Variants in TIMP2 observed in about 807,000 individuals in gnomAD.
TIMP2 encodes metalloproteinase inhibitor 2.
TIMP2 carries 5 observed loss-of-function variants against 24.3 expected under a neutral mutation model. The ratio of observed to expected loss-of-function variants is 0.21; its 90% CI spans 0.11 to 0.43. The LOEUF is 0.43. TIMP2 is among the 20% of genes least tolerant of loss of function. The pLI, the probability that TIMP2 is intolerant of heterozygous loss-of-function variation, is 1.00. For synonymous variants in TIMP2, 130 were observed against 123.2 expected (o/e 1.06, Z -0.37); for missense variants, 221 against 297.5 (o/e 0.74, Z 1.89).
In TIMP2 at chr17:78,896,784, C is replaced by T. The variant is rs888161573; in HGVS notation, c.131-22865G>A. 2.6e-5 allele frequency among the ~76,000 whole-genome samples: 4 copies of T among 152,156 alleles called. No individual in the cohort carries two copies. Among genetic ancestry groups the T allele is most frequent in the Admixed American group, 6.5e-5 (1 of 15,284 alleles). On this transcript the variant is annotated intron_variant, in intron 1 of 4. Transcript: ENST00000262768. This position sits in a 1 kb window ranked among gnomAD's most constrained non-coding sequence, Gnocchi z 4.4. ...GACGGCACCAGGGCCTCCCACAGAG[C>T]GGAGTGGACACTGGGCCCATTCTCC... is the stretch of plus-strand genomic sequence containing the variant.
intron 1 of TIMP2, among the ~76,000 whole-genome samples, chr17:78,907,482 T>G (rs897904493): frequency 6.6e-6 from 1 of 152,208 alleles, no homozygotes; most frequent in East Asian, 1.9e-4. Flanking sequence ...TCAATTAACT[T>G]TGCCATCTCA....
intron 1 of TIMP2, among the ~76,000 whole-genome samples, chr17:78,906,582 T>A (rs1009051899): frequency 2.0e-5 from 3 of 152,036 alleles, no homozygotes; most frequent in African/African-American, 7.2e-5. Context: ...TTTTCTTTTT[T>A]ATTTTTATTA....
chr17:78,894,408 T>C (rs372243472), intron 1 of TIMP2, among the ~76,000 whole-genome samples: 1 of 151,932 alleles, frequency 6.6e-6, no homozygotes, highest in East Asian at 1.9e-4. Context: ...GATCACACAA[T>C]TAGAATAGTG....
intron 3 of TIMP2, among the ~76,000 whole-genome samples, chr17:78,868,149 A>C (rs552083941): frequency 6.6e-6 from 1 of 152,284 alleles, no homozygotes; most frequent in African/African-American, 2.4e-5. Flanking sequence ...AAAATCCCCC[A>C]ATCATGGATA....
In TIMP2 at chr17:78,855,547, T is replaced by G. The variant is rs371521602; in HGVS notation, c.*120A>C. 1 of 1,158,194 alleles carries G rather than the reference T, an allele frequency of 8.6e-7. No individual in the cohort carries two copies. The highest frequency in any genetic ancestry group is 2.3e-5 in the Admixed American group (1 of 43,802). The allele number at this position is 1,158,194 out of a possible 1,614,324, so 71.7% of individuals were successfully genotyped here. On this transcript the variant is annotated 3_prime_UTR_variant, in exon 5 of 5. Transcript: ENST00000262768. This position sits in a 1 kb window ranked among gnomAD's most constrained non-coding sequence, Gnocchi z 6.0. ...AAGGGGGGAGCAGAATCATATTAAT[T>G]TGGACCCATGGGATGAGTGTTTTAT...
Position 78,854,389 on chromosome 17 carries a change from A to T in TIMP2, c.*1278T>A, listed in dbSNP as rs1294859809. 1 of 151,774 alleles carries T rather than the reference A, an allele frequency of 6.6e-6. No homozygotes were observed. The highest frequency in any genetic ancestry group is 1.5e-5 in the Non-Finnish European group (1 of 67,986). The allele number at this position is 151,774 out of a possible 1,614,324, so 9.4% of individuals were successfully genotyped here. A position where few individuals can be genotyped will look rare whatever the true frequency, so the allele number is the denominator to read the frequency against. ...TCCCTAGGAAGTTTCTTAGCTAGGT[A>T]ATCTTTGTCATTTAAGAAATACAAG... On this transcript the variant is annotated 3_prime_UTR_variant, in exon 5 of 5. Transcript: ENST00000262768.
At chr17:78,858,476 C>T (rs1479714826) in intron 3 of TIMP2, among the ~76,000 whole-genome samples, 1 of 151,908 alleles carries the variant, frequency 6.6e-6, no homozygotes, top group African/African-American at 2.4e-5. Flanking sequence ...AAAAAAATTC[C>T]CTACTTTCAT....
At chr17:78,883,434 T>C (rs2069796123) in intron 1 of TIMP2, among the ~76,000 whole-genome samples, 1 of 152,002 alleles carries the variant, frequency 6.6e-6, no homozygotes, top group African/African-American at 2.4e-5. Context: ...CAGGCCAGGG[T>C]GAAAAACGCC....
At chr17:78,918,064 A>AC (rs59083834) in intron 1 of TIMP2, among the ~76,000 whole-genome samples, 69,263 of 141,114 alleles carry the variant, frequency 0.49, 16,400 homozygotes, top group Non-Finnish European at 0.52. Context: ...GTGCACACAC[A>AC]AACACACACA....
At chr17:78,888,190 C>T (rs2069842337) in intron 1 of TIMP2, among the ~76,000 whole-genome samples, 3 of 149,290 alleles carry the variant, frequency 2.0e-5, no homozygotes, top group South Asian at 4.2e-4. Context: ...GATGGAGTCT[C>T]GCTCTGACAC....
In TIMP2 at chr17:78,874,432, T is replaced by C. The variant is rs186900680; in HGVS notation, c.131-513A>G. ...CCACGGCCTATTGGAAACAAGCTTTTCTGGGCTGAGGGCAGAGGGGGAGTT... is the reference window on the plus strand; with the variant it reads ...CCACGGCCTATTGGAAACAAGCTTTCCTGGGCTGAGGGCAGAGGGGGAGTT... On this transcript the variant is annotated intron_variant, in intron 1 of 4. Coordinates refer to ENST00000262768, the MANE Select transcript of TIMP2 (RefSeq NM_003255.5). 1.9e-3 allele frequency among the ~76,000 whole-genome samples: 286 copies of C among 152,282 alleles called. 2 individuals are homozygous for C. The highest frequency in any genetic ancestry group is 6.6e-3 in the African/African-American group (273 of 41,564).
chr17:78,882,905 C>CA (rs1157771208), intron 1 of TIMP2, among the ~76,000 whole-genome samples: 2 of 152,266 alleles, frequency 1.3e-5, no homozygotes, highest in African/African-American at 2.4e-5. Context: ...GGTGGGCAGT[C>CA]AGAGGGTCTC....
chr17:78,893,282 C>G (rs563992412), intron 1 of TIMP2, among the ~76,000 whole-genome samples: 2 of 64,670 alleles, frequency 3.1e-5, no homozygotes, highest in African/African-American at 1.5e-4. Flanking sequence ...TAGGGGTGTG[C>G]GGGCAAGGGT....
intron 1 of TIMP2, among the ~76,000 whole-genome samples, chr17:78,888,279 C>A (rs1397590470): frequency 6.6e-6 from 1 of 151,626 alleles, no homozygotes; most frequent in Non-Finnish European, 1.5e-5. Context: ...CCTGCCTCAG[C>A]CTCCTGAGTA....
intron 1 of TIMP2, chr17:78,892,444 A>G (rs1436077966): frequency 1.3e-6 from 2 of 1,549,364 alleles, no homozygotes; most frequent in Non-Finnish European, 8.7e-7. Flanking sequence ...AGAAGCCACA[A>G]CGTTCCACAG....
intron 1 of TIMP2, among the ~76,000 whole-genome samples, chr17:78,923,342 G>C (rs1342509637): frequency 6.9e-6 from 1 of 145,556 alleles, no homozygotes; most frequent in Non-Finnish European, 1.5e-5. Flanking sequence ...CAAGGACAGA[G>C]TGGCTGCCTG....
At chr17:78,871,562 C>G (rs1369028045) in intron 2 of TIMP2, among the ~76,000 whole-genome samples, 1 of 151,826 alleles carries the variant, frequency 6.6e-6, no homozygotes, top group Non-Finnish European at 1.5e-5. Flanking sequence ...CAAGACTCAT[C>G]TGTGCCGGGC....
At chr17:78,922,110 G>C (rs1419814952) in intron 1 of TIMP2, 1 of 152,248 alleles carries the variant, frequency 6.6e-6, no homozygotes, top group Non-Finnish European at 1.5e-5. Flanking sequence ...AAGACCCTCT[G>C]TATCTGCAAA....
intron 1 of TIMP2, chr17:78,905,090 A>C (rs2070146332): frequency 2.0e-5 from 3 of 152,230 alleles, no homozygotes; most frequent in African/African-American, 7.2e-5. Context: ...CAGTGAGCCG[A>C]AATCGCACCA....
Sources: gnomAD v4.1 joint callset for allele counts (sites outside exome capture counted in the v4.1 genomes callset) on GRCh38, gnomAD v4.1.1 for gene constraint, Gnocchi (gnomAD v3.1) non-coding constraint, MANE v1.5 for transcripts, NCBI Gene and HGNC (gene_info 2026-07-23, HGNC 2026-07-21) for gene names.